The following CTNNBIP1 variants were observed in gnomAD, a reference collection of about 807,000 sequenced individuals.
The protein encoded by CTNNBIP1 is catenin beta interacting protein 1, also known as beta-catenin-interacting protein 1.
Under a neutral mutation model 11.8 loss-of-function variants are expected in CTNNBIP1, and 7 were observed. The ratio of observed to expected loss-of-function variants is 0.60; its 90% CI spans 0.34 to 1.12. CTNNBIP1 has a LOEUF of 1.12. CTNNBIP1 is among the 50% of genes most tolerant of loss of function. The pLI is 0.03. For synonymous variants in CTNNBIP1, 58 were observed against 43.9 expected, an observed-to-expected ratio of 1.32 and a Z score of -1.26; for missense variants, 101 against 113.4, an observed-to-expected ratio of 0.89 and a Z score of 0.50.
At chr1:9,879,287 A>G (rs1639035121) in intron 2 of CTNNBIP1, among the ~76,000 whole-genome samples, 1 of 152,128 alleles carries the variant, frequency 6.6e-6, no homozygotes, top group Non-Finnish European at 1.5e-5. Flanking sequence ...TAGTGGGGGA[A>G]AGGCTGCCAG....
chr1:9,885,714 C>T (rs549430095), intron 1 of CTNNBIP1, among the ~76,000 whole-genome samples: 13 of 151,588 alleles, frequency 8.6e-5, no homozygotes, highest in Middle Eastern at 3.5e-3. Flanking sequence ...GAGGCCAAGG[C>T]GGGTGGATCA....
At chr1:9,894,534 C>A (rs1214492241) in intron 1 of CTNNBIP1, among the ~76,000 whole-genome samples, 1 of 143,382 alleles carries the variant, frequency 7.0e-6, no homozygotes, top group African/African-American at 2.6e-5. Flanking sequence ...TTTTTTTTTT[C>A]TTTTCTTTTG....
chr1:9,882,215 G>A (rs1025729555), intron 2 of CTNNBIP1, among the ~76,000 whole-genome samples: 6 of 152,146 alleles, frequency 3.9e-5, no homozygotes, highest in South Asian at 4.1e-4. Flanking sequence ...AGAGAGAAAG[G>A]GGAAGGCACA....
At chr1:9,891,202 C>T (rs1639294138) in intron 1 of CTNNBIP1, among the ~76,000 whole-genome samples, 1 of 152,174 alleles carries the variant, frequency 6.6e-6, no homozygotes, top group South Asian at 2.1e-4. Flanking sequence ...AAGGTCCCTT[C>T]ACTCTGAACC....
Position 9,850,652 on chromosome 1 carries a change from C to T in CTNNBIP1, c.*66G>A. 2 of 1,491,402 alleles carry T rather than the reference C, an allele frequency of 1.3e-6. No homozygotes were observed. The highest frequency in any genetic ancestry group is 2.3e-5 in the East Asian group (1 of 44,182). The allele number at this position is 1,491,402 out of a possible 1,614,324, so 92.4% of individuals were successfully genotyped here. ...GCAAGGGGGGCTGCTGCCACTCAGC[C>T]GGCCCAGGAGCCACACAGATCTCTT... On this transcript the variant is annotated 3_prime_UTR_variant, in exon 6 of 6. Coordinates refer to ENST00000377263, the MANE Select transcript of CTNNBIP1 (RefSeq NM_020248.3).
intron 5 of CTNNBIP1, among the ~76,000 whole-genome samples, chr1:9,852,062 T>C (rs1029268550): frequency 2.0e-5 from 3 of 152,114 alleles, no homozygotes; most frequent in Admixed American, 6.5e-5. Flanking sequence ...TGGATCGGAA[T>C]AGGAGAGACA....
At chr1:9,863,139 T>C (rs1638668661) in intron 5 of CTNNBIP1, among the ~76,000 whole-genome samples, 1 of 152,038 alleles carries the variant, frequency 6.6e-6, no homozygotes, top group Admixed American at 6.6e-5. Context: ...CGCAGCCAGG[T>C]GCTGAGTAAG....
Position 9,904,651 on chromosome 1 carries a change from T to A in CTNNBIP1, c.-144+5444A>T, listed in dbSNP as rs192827091. On this transcript the variant is annotated intron_variant, in intron 1 of 5. Coordinates refer to ENST00000377263, the MANE Select transcript of CTNNBIP1 (RefSeq NM_020248.3). ...GGGGGTAGGAAAGCTGTCCAGTCAA[T>A]CTTGGTATACTCTCAACAAAGAAAC... Among the ~76,000 whole-genome samples the A allele has an allele frequency of 1.6e-3, 242 of 152,236 alleles. 1 individual carries two copies. Among genetic ancestry groups the A allele is most frequent in the African/African-American group, 5.5e-3 (230 of 41,552 alleles).
At chr1:9,902,286 G>A (rs572675255) in intron 1 of CTNNBIP1, among the ~76,000 whole-genome samples, 101 of 152,228 alleles carry the variant, frequency 6.6e-4, no homozygotes, top group African/African-American at 2.2e-3. Flanking sequence ...AAGGTCTGGC[G>A]CCTGTTACAT....
At chr1:9,892,876 CCT>C (rs1639338664) in intron 1 of CTNNBIP1, 1 of 152,164 alleles carries the variant, frequency 6.6e-6, no homozygotes, top group Admixed American at 6.6e-5. Flanking sequence ...AAGGAGGAAA[CCT>C]CCCCCTAAGA....
intron 5 of CTNNBIP1, 93 bp from the exon 6 acceptor site, chr1:9,850,869 C>T (rs1456871734): frequency 3.4e-6 from 4 of 1,174,226 alleles, no homozygotes; most frequent in Non-Finnish European, 5.1e-6. Flanking sequence ...CTGGAGCCCC[C>T]GCCCACCAGG....
chr1:9,865,492 T>A (rs2101465199), intron 5 of CTNNBIP1, among the ~76,000 whole-genome samples: 1 of 151,798 alleles, frequency 6.6e-6, no homozygotes, highest in Admixed American at 6.6e-5. Context: ...TAGTCCCAGC[T>A]ACTCAGGAAG....
At chr1:9,896,697 G>A (rs192980318) in intron 1 of CTNNBIP1, among the ~76,000 whole-genome samples, 257 of 151,980 alleles carry the variant, frequency 1.7e-3, no homozygotes, top group Non-Finnish European at 1.1e-3. Context: ...GGCCGGGTGC[G>A]GCGGCTCACG....
In CTNNBIP1 at chr1:9,850,700, G is replaced by T. The variant is rs760976891; in HGVS notation, c.*18C>A. The T allele has an allele frequency of 3.7e-6, 6 of 1,612,878 alleles. No homozygotes were observed. The South Asian group carries it at 6.6e-5, about 18-fold the overall frequency. On this transcript the variant is annotated 3_prime_UTR_variant, in exon 6 of 6. Coordinates refer to ENST00000377263, the MANE Select transcript of CTNNBIP1 (RefSeq NM_020248.3). ...CTTGGCCCTCAACAGCATCCAGGGT[G>T]TTCCAAGGGCTTTGCAGCTACTGCC...
At chr1:9,870,310 A>G (rs1473022952) in intron 5 of CTNNBIP1, among the ~76,000 whole-genome samples, 1 of 152,240 alleles carries the variant, frequency 6.6e-6, no homozygotes, top group East Asian at 1.9e-4. Context: ...AAAGGACTCT[A>G]TGGAGATGCT....
chr1:9,908,658 G>C (rs1453378654), intron 1 of CTNNBIP1, among the ~76,000 whole-genome samples: 1 of 152,116 alleles, frequency 6.6e-6, no homozygotes, highest in African/African-American at 2.4e-5. Context: ...CACCGCGCCC[G>C]GCCACAGATT....
intron 5 of CTNNBIP1, among the ~76,000 whole-genome samples, chr1:9,861,680 C>G (rs1422472794): frequency 6.6e-6 from 1 of 152,202 alleles, no homozygotes; most frequent in African/African-American, 2.4e-5. Flanking sequence ...TGAGCCAGCT[C>G]CCAGTAGAGA....
At chr1:9,899,566 T>C (rs1358143981) in intron 1 of CTNNBIP1, among the ~76,000 whole-genome samples, 1 of 139,950 alleles carries the variant, frequency 7.1e-6, no homozygotes, top group African/African-American at 2.7e-5. Flanking sequence ...CAAGGCTATC[T>C]TGGCCAACAT....
In CTNNBIP1 at chr1:9,897,805, T is replaced by C. The variant is rs1263221750; in HGVS notation, c.-144+12290A>G. 2.6e-5 allele frequency among the ~76,000 whole-genome samples: 4 copies of C among 151,926 alleles called. No individual in the cohort carries two copies. The East Asian group carries it at 7.7e-4, about 29-fold the overall frequency. On this transcript the variant is annotated intron_variant, in intron 1 of 5. Coordinates refer to ENST00000377263, the MANE Select transcript of CTNNBIP1 (RefSeq NM_020248.3). Reference sequence around the variant, plus strand: ...TTCCAGCCTGTGTGAAGAGTGAGACTCCGTCTCAAAAAATAAAAGAAATAA... The same window carrying C: ...TTCCAGCCTGTGTGAAGAGTGAGACCCCGTCTCAAAAAATAAAAGAAATAA...
Sources: gnomAD v4.1 joint callset for allele counts (sites outside exome capture counted in the v4.1 genomes callset) on GRCh38, gnomAD v4.1.1 for gene constraint, MANE v1.5 for transcripts, NCBI Gene and HGNC (gene_info 2026-07-23, HGNC 2026-07-21) for gene names.